The following ABCB1 variants were observed in gnomAD, a reference collection of about 807,000 sequenced individuals.
ABCB1 encodes the protein ATP-dependent translocase ABCB1.
In ABCB1, 69 loss-of-function variants were observed where a neutral mutation model predicts 142.0. The observed-to-expected ratio is 0.49, with a 90% CI of 0.40 to 0.59. ABCB1 has a LOEUF of 0.59. ABCB1 is among the 20% of genes least tolerant of loss of function. The pLI, the probability that ABCB1 is intolerant of heterozygous loss-of-function variation, is 0.00. For synonymous variants in ABCB1, 532 were observed against 539.2 expected (o/e 0.99, Z 0.18); for missense variants, 1,326 against 1,554.7 (o/e 0.85, Z 2.47).
intron 20 of ABCB1, among the ~76,000 whole-genome samples, chr7:87,535,290 T>C (rs947415091): frequency 6.6e-6 from 1 of 152,090 alleles, no homozygotes; most frequent in Non-Finnish European, 1.5e-5. Flanking sequence ...AACACACTTA[T>C]GACTCTTCTT....
upstream of ABCB1, among the ~76,000 whole-genome samples, chr7:87,603,453 A>G (rs1293313891): frequency 1.3e-5 from 2 of 152,212 alleles, no homozygotes; most frequent in African/African-American, 4.8e-5. Context: ...TTCCAGTCCC[A>G]CGAAGTGTTT....
chr7:87,668,569 G>C (rs1346030909), intron 1 of ABCB1, among the ~76,000 whole-genome samples: 3 of 151,948 alleles, frequency 2.0e-5, no homozygotes, highest in Admixed American at 6.6e-5. Flanking sequence ...TGTGAAGGTA[G>C]GTTGTTAATT....
At chr7:87,577,706 T>C (rs1318400622) in intron 4 of ABCB1, among the ~76,000 whole-genome samples, 1 of 152,258 alleles carries the variant, frequency 6.6e-6, no homozygotes, top group Non-Finnish European at 1.5e-5. Flanking sequence ...ATATACCTGT[T>C]TGCCATTTGT....
chr7:87,656,441 T>C (rs1824113773), intron 1 of ABCB1, among the ~76,000 whole-genome samples: 1 of 151,996 alleles, frequency 6.6e-6, no homozygotes, highest in Non-Finnish European at 1.5e-5. Context: ...GATGCAGAGA[T>C]TCCAGTCTGG....
intron 1 of ABCB1, among the ~76,000 whole-genome samples, chr7:87,708,057 G>T (rs1762667231): frequency 6.6e-6 from 1 of 151,812 alleles, no homozygotes; most frequent in Admixed American, 6.6e-5. Flanking sequence ...TTTTAAAAAA[G>T]AATAGAGGCT....
intron 1 of ABCB1, among the ~76,000 whole-genome samples, chr7:87,637,844 A>G (rs902076559): frequency 2.6e-5 from 4 of 151,920 alleles, no homozygotes; most frequent in African/African-American, 7.2e-5. Flanking sequence ...GTGCACAGTC[A>G]TGTCATTTGC....
At chr7:87,694,818 C>T (rs1444714980) in intron 1 of ABCB1, among the ~76,000 whole-genome samples, 1 of 152,040 alleles carries the variant, frequency 6.6e-6, no homozygotes, top group Non-Finnish European at 1.5e-5. Flanking sequence ...GATAAAAAAG[C>T]CTATTAAATT....
chr7:87,648,774 A>G (rs1183585854), intron 1 of ABCB1, among the ~76,000 whole-genome samples: 1 of 152,192 alleles, frequency 6.6e-6, no homozygotes, highest in Non-Finnish European at 1.5e-5. Context: ...CAGGAAAATT[A>G]TAATTTTTAC....
intron 21 of ABCB1, chr7:87,521,888 A>G: frequency 2.6e-6 from 2 of 773,320 alleles, no homozygotes; most frequent in Non-Finnish European, 4.7e-6. Flanking sequence ...CAAGGCAGTG[A>G]TAAGAAAAGG....
chr7:87,516,677 A>G lies in ABCB1; in HGVS notation c.2928-12T>C, dbSNP rs769497200. On this transcript the variant is annotated splice_polypyrimidine_tract_variant and intron_variant, in intron 23 of 27. Coordinates refer to ENST00000622132, the MANE Select transcript of ABCB1 (RefSeq NM_001348946.2). ...CAGCTGAAAATACTCTGGAAAGCAC[A>G]AACACAAAACATGTGCACAGCATTA... is the stretch of plus-strand genomic sequence containing the variant. 2 of 1,613,226 alleles carry G rather than the reference A, an allele frequency of 1.2e-6. No homozygotes were observed. The highest frequency in any genetic ancestry group is 2.2e-5 in the South Asian group (2 of 91,070).
chr7:87,537,749 T>C (rs1244994556), intron 19 of ABCB1, among the ~76,000 whole-genome samples: 1 of 152,220 alleles, frequency 6.6e-6, no homozygotes, highest in Non-Finnish European at 1.5e-5. Context: ...GATTAAAATA[T>C]AACATTCAAC....
At chr7:87,655,359 C>T (rs575368887) in intron 1 of ABCB1, among the ~76,000 whole-genome samples, 10 of 151,988 alleles carry the variant, frequency 6.6e-5, no homozygotes, top group South Asian at 6.2e-4. Flanking sequence ...AAAAAAGTTG[C>T]GTATATAAAC....
At chr7:87,595,591 T>A (rs1012530812) in intron 3 of ABCB1, among the ~76,000 whole-genome samples, 175 bp downstream of exon 3, 1 of 152,100 alleles carries the variant, frequency 6.6e-6, no homozygotes, top group African/African-American at 2.4e-5. Context: ...GTAATATAGA[T>A]AGCAAGTTAT....
chr7:87,628,916 G>A (rs746857639), intron 1 of ABCB1: 3 of 1,309,682 alleles, frequency 2.3e-6, no homozygotes, highest in Non-Finnish European at 2.9e-6. Flanking sequence ...ATGCTGCGGT[G>A]GAGAGGAGGA....
At chr7:87,530,756 CAAT>C (rs772746249) in intron 21 of ABCB1, among the ~76,000 whole-genome samples, 40 of 146,534 alleles carry the variant, frequency 2.7e-4, no homozygotes, top group Non-Finnish European at 3.9e-4. Context: ...TTACTTTCCT[CAAT>C]AAAGGAATGG....
rs546859455 is a variant in ABCB1 at position 87,696,851 on chromosome 7, G to A, written c.-331+16310C>T. Among the ~76,000 whole-genome samples the A allele has an allele frequency of 3.7e-4, 56 of 152,108 alleles. No individual in the cohort carries two copies. In the South Asian group the frequency reaches 0.011, roughly 31 times the overall value. ...TGGGAAATCTTTTCATTATCTTTTG[G>A]GTAAAAGTCCTTGTGGATAGTGTGC... On this transcript the variant is annotated intron_variant, in intron 1 of 28. Transcript: ENST00000265724.
At chr7:87,524,672 A>T (rs1241098229) in intron 21 of ABCB1, among the ~76,000 whole-genome samples, 2 of 152,250 alleles carry the variant, frequency 1.3e-5, no homozygotes, top group Non-Finnish European at 2.9e-5. Context: ...CCAACATGGC[A>T]CATGTATACA....
chr7:87,587,367 A>G (rs1384706326), intron 3 of ABCB1, among the ~76,000 whole-genome samples: 3 of 152,236 alleles, frequency 2.0e-5, no homozygotes, highest in Admixed American at 6.5e-5. Context: ...CTGAATGCCT[A>G]TTCAATGACA....
chr7:87,668,668 A>T (rs1004080188), intron 1 of ABCB1, among the ~76,000 whole-genome samples: 1 of 151,944 alleles, frequency 6.6e-6, no homozygotes, highest in African/African-American at 2.4e-5. Flanking sequence ...AGATTCTGGT[A>T]TGTTGTATTT....
Sources: gnomAD v4.1 joint callset for allele counts (sites outside exome capture counted in the v4.1 genomes callset) on GRCh38, gnomAD v4.1.1 for gene constraint, MANE v1.5 for transcripts, NCBI Gene and HGNC (gene_info 2026-07-23, HGNC 2026-07-21) for gene names.